LRFN5: variants seen among roughly 807,000 people sequenced by gnomAD.
LRFN5 encodes leucine-rich repeat and fibronectin type-III domain-containing protein 5.
Under a neutral mutation model 45.6 loss-of-function variants are expected in LRFN5, and 24 were observed. The ratio of observed to expected loss-of-function variants is 0.53; its 90% CI spans 0.38 to 0.74. The LOEUF is 0.74. LRFN5 is among the 30% of genes least tolerant of loss of function. The pLI is 0.00. For synonymous variants in LRFN5, 340 were observed against 313.8 expected, an observed-to-expected ratio of 1.08 and a Z score of -0.88; for missense variants, 776 against 861.5, an observed-to-expected ratio of 0.90 and a Z score of 1.24.
chr14:41,673,374 C>A (rs1368185729), intron 1 of LRFN5, among the ~76,000 whole-genome samples: 4 of 140,222 alleles, frequency 2.9e-5, no homozygotes, highest in South Asian at 4.5e-4. Flanking sequence ...CCGGACGGGG[C>A]GGCTGGCCGG....
intron 1 of LRFN5, among the ~76,000 whole-genome samples, chr14:41,711,655 A>T (rs1883289358): frequency 6.6e-6 from 1 of 152,182 alleles, no homozygotes; most frequent in Admixed American, 6.5e-5. Context: ...TAGCTTGCAG[A>T]AGCAATCACA....
At chr14:41,894,809 T>C (rs1193193988) in intron 4 of LRFN5, 6 of 981,662 alleles carry the variant, frequency 6.1e-6, no homozygotes, top group Non-Finnish European at 7.3e-6. Context: ...AGATTTGTTA[T>C]CTAAATATTA....
intron 2 of LRFN5, among the ~76,000 whole-genome samples, chr14:41,779,215 G>A (rs1886397924): frequency 6.6e-6 from 1 of 151,706 alleles, no homozygotes; most frequent in South Asian, 2.1e-4. Flanking sequence ...AAAGATATCA[G>A]ATTTTGTCAA....
chr14:41,618,070 A>C (rs1887984263), intron 1 of LRFN5, among the ~76,000 whole-genome samples: 1 of 152,160 alleles, frequency 6.6e-6, no homozygotes, highest in South Asian at 2.1e-4. Flanking sequence ...GGCACTTGAC[A>C]AACTCATTTT....
intron 2 of LRFN5, among the ~76,000 whole-genome samples, chr14:41,808,547 G>GAGGAAGGA (rs1183162765): frequency 8.9e-5 from 1 of 11,192 alleles, no homozygotes; most frequent in Non-Finnish European, 1.6e-4. Flanking sequence ...GGAAGGGAGG[G>GAGGAAGGA]ATGAAGGAAG....
At chr14:41,812,054 T>C (rs550151290) in intron 2 of LRFN5, among the ~76,000 whole-genome samples, 1 of 152,202 alleles carries the variant, frequency 6.6e-6, no homozygotes, top group East Asian at 1.9e-4. Context: ...GAAAAGTTAT[T>C]CTGGTGAATA....
chr14:41,618,536 TCA>T (rs1172869958), intron 1 of LRFN5, among the ~76,000 whole-genome samples: 5 of 152,186 alleles, frequency 3.3e-5, no homozygotes, highest in Admixed American at 6.5e-5. Flanking sequence ...CTGAGACCAT[TCA>T]CACATATTCA....
intron 1 of LRFN5, among the ~76,000 whole-genome samples, chr14:41,723,296 TTAGAA>T (rs1449460135): frequency 1.3e-5 from 2 of 152,068 alleles, no homozygotes; most frequent in Non-Finnish European, 2.9e-5. Flanking sequence ...AAGCAGGTGC[TTAGAA>T]TGCCTGGAAG....
intron 2 of LRFN5, among the ~76,000 whole-genome samples, chr14:41,823,431 C>CTATATA (rs1456793282): frequency 6.6e-6 from 1 of 151,258 alleles, no homozygotes; most frequent in Non-Finnish European, 1.5e-5. Flanking sequence ...TTATCTATAT[C>CTATATA]TATATCTATA....
At chr14:41,800,622 T>A (rs1594420383) in intron 2 of LRFN5, among the ~76,000 whole-genome samples, 2 of 151,854 alleles carry the variant, frequency 1.3e-5, no homozygotes, top group African/African-American at 4.8e-5. Context: ...TATATAAATA[T>A]GAGATACAAA....
At chr14:41,663,412 T>G (rs1267242761) in intron 1 of LRFN5, among the ~76,000 whole-genome samples, 1 of 152,080 alleles carries the variant, frequency 6.6e-6, no homozygotes, top group Non-Finnish European at 1.5e-5. Flanking sequence ...CTCACAGGAC[T>G]GTAAGACCTG....
At chr14:41,781,392 G>T (rs765274965) in intron 2 of LRFN5, among the ~76,000 whole-genome samples, 7 of 151,718 alleles carry the variant, frequency 4.6e-5, no homozygotes, top group Non-Finnish European at 8.8e-5. Flanking sequence ...CAGCTACTAG[G>T]GAGGCTGATC....
At chr14:41,739,628 A>G (rs1272768705) in intron 1 of LRFN5, among the ~76,000 whole-genome samples, 1 of 151,714 alleles carries the variant, frequency 6.6e-6, no homozygotes, top group East Asian at 1.9e-4. Context: ...AAGATTTCAA[A>G]CAACCTAATG....
intron 4 of LRFN5, among the ~76,000 whole-genome samples, chr14:41,897,213 A>T (rs760615669): frequency 2.0e-5 from 3 of 151,864 alleles, no homozygotes; most frequent in Non-Finnish European, 4.4e-5. Context: ...AGGGATATAG[A>T]AAGTAACAAT....
chr14:41,625,940 A>G (rs1224481737), intron 1 of LRFN5, among the ~76,000 whole-genome samples: 1 of 152,132 alleles, frequency 6.6e-6, no homozygotes, highest in South Asian at 2.1e-4. Context: ...TTACTTAAGC[A>G]TGGAAGCCAT....
intron 1 of LRFN5, among the ~76,000 whole-genome samples, chr14:41,692,577 C>G (rs550361936): frequency 1.1e-4 from 17 of 152,176 alleles, no homozygotes; most frequent in Admixed American, 3.9e-4. Context: ...TCCCCCACAC[C>G]ACAACAGGCC....
chr14:41,757,888 C>T (rs1213512256), intron 1 of LRFN5, among the ~76,000 whole-genome samples: 2 of 152,160 alleles, frequency 1.3e-5, no homozygotes, highest in African/African-American at 4.8e-5. Flanking sequence ...CCTATTCGGC[C>T]ATCTTGGCTC....
chr14:41,704,438 C>CTGTGTGTGTGTGTGTGTGTG lies in LRFN5; in HGVS notation c.-196-62415_-196-62414insGTGTGTGTGTGTGTGTGTGT, dbSNP rs199862342. ...TCTCTCTCTCTCTCTCTCTCTCTCT[C>CTGTGTGTGTGTGTGTGTGTG]TCTCTCTCTCTGTGTGTGTGTGTCT... On this transcript the variant is annotated intron_variant, in intron 1 of 5. Coordinates refer to ENST00000298119, the MANE Select transcript of LRFN5 (RefSeq NM_152447.5). Among the ~76,000 whole-genome samples the CTGTGTGTGTGTGTGTGTGTG allele has an allele frequency of 5.7e-4, 64 of 111,696 alleles. 2 individuals are homozygous for CTGTGTGTGTGTGTGTGTGTG. The highest frequency in any genetic ancestry group is 1.4e-3 in the East Asian group (6 of 4,288). 73.3% of individuals were successfully genotyped at this position (111,696 alleles called of 152,430 possible). A position where few individuals can be genotyped will look rare whatever the true frequency, so the allele number is the denominator to read the frequency against.
chr14:41,902,968 T>C (rs1429657477), intron 5 of LRFN5, among the ~76,000 whole-genome samples: 1 of 151,694 alleles, frequency 6.6e-6, no homozygotes, highest in Non-Finnish European at 1.5e-5. Flanking sequence ...CTTAGTATAT[T>C]CCAGGTAAAT....
Sources: allele counts gnomAD v4.1 joint callset (sites outside exome capture counted in the v4.1 genomes callset), GRCh38; gene constraint gnomAD v4.1.1; transcripts MANE v1.5; gene names NCBI Gene and HGNC (gene_info 2026-07-23, HGNC 2026-07-21).